The following FAM83B variants were observed in gnomAD, a reference collection of about 807,000 sequenced individuals.
The protein encoded by FAM83B is protein FAM83B.
In FAM83B, 26 loss-of-function variants were observed where a neutral mutation model predicts 38.8. The ratio of observed to expected loss-of-function variants is 0.67; its 90% confidence interval spans 0.49 to 0.93. The LOEUF is 0.93. FAM83B is among the 40% of genes least tolerant of loss of function. FAM83B has a pLI of 0.00. For missense variants in FAM83B, 1,237 were observed against 1,197.3 expected (o/e 1.03, Z -0.49); for synonymous variants, 419 against 423.1 (o/e 0.99, Z 0.12).
intron 1 of FAM83B, among the ~76,000 whole-genome samples, chr6:54,854,741 G>A (rs987184924): frequency 5.3e-5 from 8 of 152,114 alleles, no homozygotes; most frequent in Admixed American, 3.3e-4. Context: ...AACCCAACCT[G>A]TATTATCTTC....
chr6:54,849,782 C>G (rs555001759), intron 1 of FAM83B, among the ~76,000 whole-genome samples: 1 of 151,652 alleles, frequency 6.6e-6, no homozygotes, highest in Non-Finnish European at 1.5e-5. Context: ...TGACATTTAT[C>G]TTTTCAGCTG....
At chr6:54,847,858 T>TG (rs749223142) in intron 1 of FAM83B, among the ~76,000 whole-genome samples, 13 of 152,012 alleles carry the variant, frequency 8.6e-5, no homozygotes, top group Non-Finnish European at 1.8e-4. Context: ...GAAGAAGGTG[T>TG]GCGGGTGGCA....
In FAM83B at chr6:54,941,767, T is replaced by C; in HGVS notation, c.2796T>C (p.Arg932=). ...TACGATCTCATTCAACTGATCGGCG[T>C]GTTTACAGTCGTTTTGAGCCGTTTT... ...ELLRSHSTDR[R]VYSRFEPFCK... The change falls in exon 5 of 5, where the codon CGT becomes CGC. Residue 932 remains arginine, a synonymous_variant. Coordinates refer to ENST00000306858, the MANE Select transcript of FAM83B (RefSeq NM_001010872.3). The C allele has an allele frequency of 6.2e-7, 1 of 1,614,112 alleles. No homozygotes were observed.
intron 4 of FAM83B, among the ~76,000 whole-genome samples, chr6:54,930,381 G>A (rs907736522): frequency 3.3e-5 from 5 of 152,048 alleles, no homozygotes; most frequent in Non-Finnish European, 7.4e-5. Context: ...CATCCCATCT[G>A]AACTAGCAGG....
intron 1 of FAM83B, among the ~76,000 whole-genome samples, chr6:54,847,875 T>G (rs1771178700): frequency 6.6e-6 from 1 of 151,980 alleles, no homozygotes; most frequent in Admixed American, 6.6e-5. Context: ...GGCAAGCAAT[T>G]GAGGCTAGAA....
intron 2 of FAM83B, among the ~76,000 whole-genome samples, chr6:54,916,972 C>T (rs937636579): frequency 7.9e-5 from 12 of 152,160 alleles, no homozygotes; most frequent in African/African-American, 2.4e-4. Flanking sequence ...AAGACAGTCT[C>T]ATTTCCCTTA....
At chr6:54,874,154 A>G (rs1771932039) in intron 2 of FAM83B, among the ~76,000 whole-genome samples, 1 of 152,118 alleles carries the variant, frequency 6.6e-6, no homozygotes, top group Non-Finnish European at 1.5e-5. Flanking sequence ...TTTTGCTTTT[A>G]TAAGCAGAAT....
intron 1 of FAM83B, among the ~76,000 whole-genome samples, chr6:54,869,349 A>G (rs975758177): frequency 6.6e-6 from 1 of 152,166 alleles, no homozygotes; most frequent in African/African-American, 2.4e-5. Context: ...TACTGCCAGA[A>G]TTGTTTCAAA....
chr6:54,925,271 C>CA (rs1773262251), intron 2 of FAM83B, among the ~76,000 whole-genome samples: 1 of 151,726 alleles, frequency 6.6e-6, no homozygotes, highest in Non-Finnish European at 1.5e-5. Flanking sequence ...CTTTTTTTTC[C>CA]AAAAAACCTA....
intron 2 of FAM83B, among the ~76,000 whole-genome samples, chr6:54,904,744 A>G (rs1341654747): frequency 4.6e-5 from 7 of 152,236 alleles, no homozygotes; most frequent in Non-Finnish European, 1.0e-4. Context: ...GGTAAGAGCC[A>G]GGATTTGGCC....
intron 2 of FAM83B, among the ~76,000 whole-genome samples, chr6:54,893,152 T>G (rs1206742753): frequency 6.6e-6 from 1 of 152,136 alleles, no homozygotes; most frequent in Non-Finnish European, 1.5e-5. Flanking sequence ...CAAGTTCCTC[T>G]CAGGTTCCTC....
chr6:54,933,810 G>A (rs1773473118), intron 4 of FAM83B, among the ~76,000 whole-genome samples: 2 of 152,242 alleles, frequency 1.3e-5, no homozygotes, highest in African/African-American at 4.8e-5. Context: ...ACTCAGGTAA[G>A]ATAGAAGCCA....
chr6:54,869,023 A>AAGTC (rs1157104583), intron 1 of FAM83B, among the ~76,000 whole-genome samples: 1 of 152,188 alleles, frequency 6.6e-6, no homozygotes, highest in Non-Finnish European at 1.5e-5. Context: ...AAAGACTGGA[A>AAGTC]AGTCCATCAT....
chr6:54,869,978 G>A (rs531612698), intron 1 of FAM83B, among the ~76,000 whole-genome samples: 3 of 152,234 alleles, frequency 2.0e-5, no homozygotes, highest in African/African-American at 4.8e-5. Context: ...AAATCCAACA[G>A]CAATCTGTAA....
At chr6:54,939,635 C>CT (rs1265088666) in intron 4 of FAM83B, 71 bp from the exon 5 acceptor site, 7 of 1,378,432 alleles carry the variant, frequency 5.1e-6, no homozygotes, top group Admixed American at 2.6e-5. Context: ...TTAAGTGATA[C>CT]TTTTTTTAGT....
chr6:54,879,134 A>G (rs1244230376), intron 2 of FAM83B, among the ~76,000 whole-genome samples: 2 of 152,188 alleles, frequency 1.3e-5, no homozygotes, highest in Non-Finnish European at 2.9e-5. Context: ...TAGCCTTTGG[A>G]TGGTTGATCC....
At chr6:54,899,592 C>G (rs79993688) in intron 2 of FAM83B, among the ~76,000 whole-genome samples, 5,416 of 152,180 alleles carry the variant, frequency 0.036, 312 homozygotes, top group African/African-American at 0.12. Context: ...GTTTGGATGT[C>G]TGGTGAGGGT....
At chr6:54,918,014 A>G (rs1773084630) in intron 2 of FAM83B, among the ~76,000 whole-genome samples, 1 of 152,152 alleles carries the variant, frequency 6.6e-6, no homozygotes, top group South Asian at 2.1e-4. Flanking sequence ...TGGATTATAG[A>G]TACTCATATT....
At chr6:54,903,688 A>G (rs1772713042) in intron 2 of FAM83B, among the ~76,000 whole-genome samples, 1 of 152,126 alleles carries the variant, frequency 6.6e-6, no homozygotes, top group Non-Finnish European at 1.5e-5. Context: ...TCGTCTTCAT[A>G]AAATCATCTC....
Sources: allele counts gnomAD v4.1 joint callset (sites outside exome capture counted in the v4.1 genomes callset), GRCh38; gene constraint gnomAD v4.1.1; transcripts MANE v1.5; gene names NCBI Gene and HGNC (gene_info 2026-07-23, HGNC 2026-07-21).